The following CACNA2D3 variants were observed in gnomAD, a reference collection of about 807,000 sequenced individuals.
CACNA2D3 encodes voltage-dependent calcium channel subunit alpha-2/delta-3.
Under a neutral mutation model 160.6 loss-of-function variants are expected in CACNA2D3, and 60 were observed. The ratio of observed to expected loss-of-function variants is 0.37; its 90% confidence interval spans 0.30 to 0.46. The LOEUF is 0.46. Among genes scored for constraint, CACNA2D3 ranks in the 20% least tolerant of loss-of-function variants. The pLI is 1.00. For missense variants in CACNA2D3, 1,205 were observed against 1,365.0 expected, an observed-to-expected ratio of 0.88 and a Z score of 1.85; for synonymous variants, 558 against 492.9, an observed-to-expected ratio of 1.13 and a Z score of -1.75.
At chr3:54,350,986 G>GTTTTTTTT (rs796392854) in intron 3 of CACNA2D3, among the ~76,000 whole-genome samples, 13 of 65,950 alleles carry the variant, frequency 2.0e-4, no homozygotes, top group South Asian at 5.1e-4. Flanking sequence ...TTTTTTGTTT[G>GTTTTTTTT]TTTTTTTTTT....
chr3:54,302,463 CGGCAA>C (rs1553787531), intron 2 of CACNA2D3, among the ~76,000 whole-genome samples: 1 of 152,082 alleles, frequency 6.6e-6, no homozygotes, highest in Non-Finnish European at 1.5e-5. Context: ...GGGAAAAATT[CGGCAA>C]GGTCCCAAGT....
chr3:54,449,193 T>C (rs1456527897), intron 4 of CACNA2D3, among the ~76,000 whole-genome samples: 1 of 152,188 alleles, frequency 6.6e-6, no homozygotes, highest in Admixed American at 6.5e-5. Context: ...TTAATACCTC[T>C]TATAGAGTGA....
chr3:54,464,164 G>T (rs994389104), intron 4 of CACNA2D3, among the ~76,000 whole-genome samples: 14 of 152,218 alleles, frequency 9.2e-5, no homozygotes, highest in South Asian at 6.2e-4. Flanking sequence ...AGCCGTGTGA[G>T]GTGTCAGTCT....
intron 13 of CACNA2D3, among the ~76,000 whole-genome samples, chr3:54,782,494 G>A (rs1702555088): frequency 6.6e-6 from 1 of 151,974 alleles, no homozygotes; most frequent in African/African-American, 2.4e-5. Context: ...AGTTTTTGTG[G>A]AGTGAATTCT....
intron 4 of CACNA2D3, among the ~76,000 whole-genome samples, chr3:54,459,142 G>A (rs1700453068): frequency 6.6e-6 from 1 of 152,056 alleles, no homozygotes; most frequent in Non-Finnish European, 1.5e-5. Context: ...TGGTGTATAT[G>A]TGCCACATTT....
intron 9 of CACNA2D3, chr3:54,626,506 G>C: frequency 6.2e-7 from 1 of 1,607,938 alleles, no homozygotes; most frequent in East Asian, 2.2e-5. Flanking sequence ...CGTCTACAAC[G>C]GCAAGACCTT....
intron 9 of CACNA2D3, among the ~76,000 whole-genome samples, chr3:54,587,596 G>A (rs1237754416): frequency 1.3e-5 from 2 of 151,862 alleles, no homozygotes; most frequent in Non-Finnish European, 2.9e-5. Flanking sequence ...TAAAAAGAGA[G>A]AAGACAAATC....
intron 4 of CACNA2D3, among the ~76,000 whole-genome samples, chr3:54,456,388 G>T (rs184101058): frequency 1.3e-5 from 2 of 152,046 alleles, no homozygotes; most frequent in East Asian, 1.9e-4. Context: ...GAATACTACT[G>T]ATTTTTATAT....
At chr3:54,968,385 C>T (rs567722701) in intron 27 of CACNA2D3, 65 bp from the exon 28 acceptor site, 14 of 1,096,542 alleles carry the variant, frequency 1.3e-5, no homozygotes, top group Middle Eastern at 2.3e-4. Flanking sequence ...TAATTTTCAA[C>T]GATAATCTTA....
intron 3 of CACNA2D3, chr3:54,386,052 A>G (rs563344284): frequency 6.4e-5 from 29 of 452,100 alleles, no homozygotes; most frequent in Non-Finnish European, 1.0e-4. Flanking sequence ...GCATTATGAA[A>G]TGGGTTTCAT....
At chr3:54,491,764 G>C (rs1701114090) in intron 4 of CACNA2D3, among the ~76,000 whole-genome samples, 1 of 152,186 alleles carries the variant, frequency 6.6e-6, no homozygotes, top group Non-Finnish European at 1.5e-5. Flanking sequence ...TGTTGCCACA[G>C]AGACTGTCTG....
chr3:54,759,237 T>C (rs551246420), intron 12 of CACNA2D3, among the ~76,000 whole-genome samples: 2 of 152,310 alleles, frequency 1.3e-5, no homozygotes, highest in African/African-American at 4.8e-5. Flanking sequence ...GAATCATTGC[T>C]GATTCTGTTT....
chr3:54,546,079 G>T (rs1702059186), intron 5 of CACNA2D3, among the ~76,000 whole-genome samples: 1 of 152,166 alleles, frequency 6.6e-6, no homozygotes, highest in Non-Finnish European at 1.5e-5. Flanking sequence ...TGTGATGACT[G>T]TAAGTGCTAT....
At position 54,895,581 on chromosome 3, in the gene CACNA2D3, A is replaced by C. The variant is rs113071873; in HGVS notation, c.2247-1168A>C. 3.1e-3 allele frequency among the ~76,000 whole-genome samples: 476 copies of C among 152,252 alleles called. 1 individual carries two copies. The highest frequency in any genetic ancestry group is 0.011 in the African/African-American group (459 of 41,556). On this transcript the variant is annotated intron_variant, in intron 25 of 37. Coordinates refer to ENST00000474759, the MANE Select transcript of CACNA2D3 (RefSeq NM_018398.3). ...CCAACCAGTTACAACTTAGCATGAA[A>C]ATTTCTCTCCATGGTCCTTGTGATC...
intron 13 of CACNA2D3, among the ~76,000 whole-genome samples, chr3:54,776,886 T>C (rs538773043): frequency 6.6e-6 from 1 of 152,254 alleles, no homozygotes; most frequent in Admixed American, 6.5e-5. Context: ...TTCCGAGAGC[T>C]GAGGAAGATA....
At chr3:54,603,587 G>A (rs1011949683) in intron 9 of CACNA2D3, among the ~76,000 whole-genome samples, 3 of 152,212 alleles carry the variant, frequency 2.0e-5, no homozygotes, top group African/African-American at 7.2e-5. Flanking sequence ...TATGGTCTAA[G>A]CTGGCAAGTT....
chr3:54,763,697 GTA>G (rs1364245926), intron 12 of CACNA2D3, among the ~76,000 whole-genome samples: 1 of 125,956 alleles, frequency 7.9e-6, no homozygotes, highest in African/African-American at 2.9e-5. Context: ...GTGTATATAT[GTA>G]TATATGTATA....
At chr3:54,170,378 G>A (rs1221598850) in intron 2 of CACNA2D3, among the ~76,000 whole-genome samples, 2 of 152,074 alleles carry the variant, frequency 1.3e-5, no homozygotes, top group Non-Finnish European at 2.9e-5. Context: ...TTGATTCCCA[G>A]TACAAAATAA....
At chr3:54,987,523 C>A (rs1293820038) in intron 30 of CACNA2D3, among the ~76,000 whole-genome samples, 160 bp from the exon 31 acceptor site, 2 of 152,080 alleles carry the variant, frequency 1.3e-5, no homozygotes, top group Non-Finnish European at 2.9e-5. Flanking sequence ...CTGTGTAATC[C>A]CATGAGTTCT....
Sources: gnomAD v4.1 joint callset for allele counts (sites outside exome capture counted in the v4.1 genomes callset) on GRCh38, gnomAD v4.1.1 for gene constraint, MANE v1.5 for transcripts, NCBI Gene and HGNC (gene_info 2026-07-23, HGNC 2026-07-21) for gene names.